The following RBFOX1 variants were observed in gnomAD, a reference collection of about 807,000 sequenced individuals.
RBFOX1 encodes the protein RNA binding fox-1 homolog 1, also known as RNA binding protein fox-1 homolog 1.
RBFOX1 carries 8 observed loss-of-function variants against 57.7 expected under a neutral mutation model. That is an observed-to-expected ratio of 0.14 (90% CI 0.08 to 0.25). The LOEUF is 0.25. RBFOX1 is among the 10% of genes least tolerant of loss of function. The pLI is 1.00. For missense variants in RBFOX1, 611 were observed against 548.5 expected, an observed-to-expected ratio of 1.11 and a Z score of -1.14; for synonymous variants, 326 against 222.4, an observed-to-expected ratio of 1.47 and a Z score of -4.15.
At chr16:6,238,090 C>CAAAAAA (rs368995420) in intron 1 of RBFOX1, among the ~76,000 whole-genome samples, 2 of 65,964 alleles carry the variant, frequency 3.0e-5, no homozygotes, top group African/African-American at 5.9e-5. Flanking sequence ...GACTCTGTCT[C>CAAAAAA]AAAAAAAAAA....
intron 1 of RBFOX1, among the ~76,000 whole-genome samples, chr16:5,462,091 C>G (rs2068805820): frequency 1.3e-5 from 2 of 151,740 alleles, no homozygotes; most frequent in Admixed American, 6.6e-5. Flanking sequence ...CTCTTTTCAA[C>G]AAAAGGTGGA....
rs562553645 is a variant in RBFOX1, at chr16:7,426,280, G to A, written c.28-91867G>A. ...ACAGTGATCCTGGCATCGTCTCCCC[G>A]CTTAATCCTTACTAGCAATTTGCCT... On this transcript the variant is annotated intron_variant, in intron 4 of 15. Coordinates refer to ENST00000550418, the MANE Select transcript of RBFOX1 (RefSeq NM_018723.4). 4.6e-5 allele frequency among the ~76,000 whole-genome samples: 7 copies of A among 152,224 alleles called. 1 individual carries two copies. The highest frequency in any genetic ancestry group is 6.8e-3 in the Middle Eastern group (2 of 294).
chr16:5,861,267 G>T (rs1449179558), intron 3 of RBFOX1, among the ~76,000 whole-genome samples: 1 of 152,148 alleles, frequency 6.6e-6, no homozygotes, highest in African/African-American at 2.4e-5. Context: ...TACACGGTTG[G>T]CTACATGCTT....
At chr16:6,371,294 G>A (rs1350174413) in intron 2 of RBFOX1, among the ~76,000 whole-genome samples, 2 of 152,136 alleles carry the variant, frequency 1.3e-5, no homozygotes, top group African/African-American at 4.8e-5. Context: ...GATTATTACG[G>A]CTATCAAATG....
At chr16:7,112,297 G>A (rs1384913011) in intron 4 of RBFOX1, among the ~76,000 whole-genome samples, 1 of 152,018 alleles carries the variant, frequency 6.6e-6, no homozygotes, top group African/African-American at 2.4e-5. Context: ...CCACCTTTTG[G>A]GTTCAAGTGA....
intron 1 of RBFOX1, among the ~76,000 whole-genome samples, chr16:5,303,846 C>T (rs1449225094): frequency 6.6e-6 from 1 of 151,896 alleles, no homozygotes; most frequent in Non-Finnish European, 1.5e-5. Context: ...CTTTTTTCCC[C>T]TGGAGCTAGG....
At chr16:6,619,194 C>T (rs561740777) in intron 2 of RBFOX1, among the ~76,000 whole-genome samples, 2 of 152,174 alleles carry the variant, frequency 1.3e-5, no homozygotes, top group East Asian at 1.9e-4. Flanking sequence ...CTTCTGATGT[C>T]TCATGCCTCT....
At chr16:7,200,475 C>A (rs150266330) in intron 4 of RBFOX1, among the ~76,000 whole-genome samples, 2 of 152,214 alleles carry the variant, frequency 1.3e-5, no homozygotes, top group Non-Finnish European at 2.9e-5. Flanking sequence ...CTGTCAGACA[C>A]TGCAGTAGGC....
intron 1 of RBFOX1, among the ~76,000 whole-genome samples, chr16:6,087,651 A>T (rs1434107020): frequency 1.3e-5 from 2 of 151,326 alleles, no homozygotes; most frequent in Non-Finnish European, 2.9e-5. Context: ...CTGGATATTT[A>T]TCTTACTTTT....
chr16:7,060,729 T>A (rs2053987611), intron 4 of RBFOX1, among the ~76,000 whole-genome samples: 1 of 152,188 alleles, frequency 6.6e-6, no homozygotes, highest in African/African-American at 2.4e-5. Context: ...CATTTCCACG[T>A]ATACATCCTG....
chr16:6,261,939 A>C (rs953132647), intron 1 of RBFOX1, among the ~76,000 whole-genome samples: 1 of 152,140 alleles, frequency 6.6e-6, no homozygotes, highest in Non-Finnish European at 1.5e-5. Context: ...CTGAGGCATG[A>C]GAGTTGCTTG....
intron 1 of RBFOX1, among the ~76,000 whole-genome samples, chr16:5,326,909 T>G (rs2064590789): frequency 6.6e-6 from 1 of 152,224 alleles, no homozygotes; most frequent in African/African-American, 2.4e-5. Context: ...TTAATTCATT[T>G]GTCCAATATC....
At chr16:5,371,380 C>T (rs943796521) in intron 1 of RBFOX1, among the ~76,000 whole-genome samples, 2 of 152,190 alleles carry the variant, frequency 1.3e-5, no homozygotes, top group Non-Finnish European at 2.9e-5. Flanking sequence ...CCGGAGAAGA[C>T]CCTGGGAGGA....
At chr16:6,511,864 A>T (rs810608) in intron 2 of RBFOX1, among the ~76,000 whole-genome samples, 126,159 of 152,106 alleles carry the variant, frequency 0.83, 52,823 homozygotes, top group Non-Finnish European at 0.89. Flanking sequence ...ATCTTGATTC[A>T]GTAGGAAACC....
At chr16:6,850,962 C>G (rs1350449160) in intron 3 of RBFOX1, among the ~76,000 whole-genome samples, 2 of 152,162 alleles carry the variant, frequency 1.3e-5, no homozygotes, top group Non-Finnish European at 2.9e-5. Context: ...TAGCTAAAGA[C>G]TGTAAATAGC....
upstream of RBFOX1, among the ~76,000 whole-genome samples, chr16:6,018,613 C>G (rs906342533): frequency 1.3e-5 from 2 of 152,120 alleles, no homozygotes; most frequent in Admixed American, 1.3e-4. Context: ...CCCATCCAGC[C>G]TGGAGAACTT....
At chr16:7,160,611 T>C (rs1387600149) in intron 4 of RBFOX1, among the ~76,000 whole-genome samples, 1 of 152,232 alleles carries the variant, frequency 6.6e-6, no homozygotes, top group Non-Finnish European at 1.5e-5. Context: ...AATTATTTTA[T>C]GGCTTTCTTT....
At chr16:6,499,167 C>T (rs1466704888) in intron 2 of RBFOX1, among the ~76,000 whole-genome samples, 1 of 152,168 alleles carries the variant, frequency 6.6e-6, no homozygotes, top group Non-Finnish European at 1.5e-5. Context: ...TGCTGGTGGA[C>T]TGCATCTCCT....
intron 3 of RBFOX1, among the ~76,000 whole-genome samples, chr16:6,814,149 C>T (rs1603628039): frequency 6.6e-6 from 1 of 151,598 alleles, no homozygotes; most frequent in East Asian, 1.9e-4. Context: ...AGAACAACAA[C>T]ACACCAAACA....
Sources: allele counts gnomAD v4.1 joint callset (sites outside exome capture counted in the v4.1 genomes callset), GRCh38; gene constraint gnomAD v4.1.1; transcripts MANE v1.5; gene names NCBI Gene and HGNC (gene_info 2026-07-23, HGNC 2026-07-21).